The following SLC41A2 variants were observed in gnomAD, a reference collection of about 807,000 sequenced individuals.
SLC41A2 encodes solute carrier family 41 member 2.
A neutral mutation model predicts 58.3 loss-of-function variants in SLC41A2; 32 were observed. The observed-to-expected ratio is 0.55, with a 90% confidence interval of 0.41 to 0.74. The LOEUF is 0.74. Ranked by LOEUF, SLC41A2 falls within the 30% of genes least tolerant of loss-of-function variation. The pLI, the probability that SLC41A2 is intolerant of heterozygous loss-of-function variation, is 0.00. For synonymous variants in SLC41A2, 190 were observed against 235.0 expected (o/e 0.81, Z 1.75); for missense variants, 514 against 680.6 (o/e 0.76, Z 2.72).
chr12:104,916,735 A>T (rs1212263377), intron 2 of SLC41A2, among the ~76,000 whole-genome samples: 2 of 152,242 alleles, frequency 1.3e-5, no homozygotes, highest in African/African-American at 4.8e-5. Context: ...AGAATTTCCT[A>T]TTTAATAAAT....
At chr12:104,884,325 G>A (rs958205894) in intron 6 of SLC41A2, among the ~76,000 whole-genome samples, 15 of 152,154 alleles carry the variant, frequency 9.9e-5, no homozygotes, top group East Asian at 3.9e-4. Context: ...ACCCTGCTTC[G>A]GCTCACACAC....
intron 10 of SLC41A2, among the ~76,000 whole-genome samples, chr12:104,811,416 TGTATAA>T (rs1462621691): frequency 6.6e-6 from 1 of 152,162 alleles, no homozygotes; most frequent in Non-Finnish European, 1.5e-5. Context: ...TTTAATAAAG[TGTATAA>T]GTATAAAACT....
At chr12:104,947,749 G>GA (rs1252924109) in intron 1 of SLC41A2, among the ~76,000 whole-genome samples, 1 of 151,674 alleles carries the variant, frequency 6.6e-6, no homozygotes, top group African/African-American at 2.4e-5. Context: ...GTTTTAAAAG[G>GA]AAAAAAAGAC....
At chr12:104,932,372 T>C (rs1239089271) in intron 1 of SLC41A2, among the ~76,000 whole-genome samples, 1 of 152,058 alleles carries the variant, frequency 6.6e-6, no homozygotes, top group Non-Finnish European at 1.5e-5. Flanking sequence ...ATGCCTGCAA[T>C]CACAGCATTT....
At chr12:104,955,222 G>T (rs1030076892) in intron 1 of SLC41A2, among the ~76,000 whole-genome samples, 5 of 151,848 alleles carry the variant, frequency 3.3e-5, no homozygotes, top group African/African-American at 1.2e-4. Flanking sequence ...CACCATGTTG[G>T]CCAGTCTGGT....
At chr12:104,898,796 C>A (rs2045421003) in intron 3 of SLC41A2, among the ~76,000 whole-genome samples, 1 of 152,086 alleles carries the variant, frequency 6.6e-6, no homozygotes, top group African/African-American at 2.4e-5. Flanking sequence ...CAATAACAAA[C>A]AATCCAACTT....
intron 2 of SLC41A2, among the ~76,000 whole-genome samples, chr12:104,915,084 T>C (rs754095538): frequency 6.6e-5 from 10 of 152,350 alleles, no homozygotes; most frequent in Middle Eastern, 3.4e-3. Context: ...AACTGAGGTA[T>C]ACATCTACAA....
intron 10 of SLC41A2, among the ~76,000 whole-genome samples, chr12:104,833,258 A>G (rs943228158): frequency 7.2e-5 from 11 of 152,348 alleles, no homozygotes; most frequent in African/African-American, 2.6e-4. Flanking sequence ...GAAGCTAGCC[A>G]ATCAATGATA....
chr12:104,875,158 C>T (rs550954565), intron 6 of SLC41A2, among the ~76,000 whole-genome samples: 2 of 152,284 alleles, frequency 1.3e-5, no homozygotes, highest in Non-Finnish European at 2.9e-5. Context: ...ATGAATCCCA[C>T]TTGGTCATGA....
intron 1 of SLC41A2, among the ~76,000 whole-genome samples, chr12:104,946,891 C>T (rs1413414935): frequency 6.6e-6 from 1 of 152,216 alleles, no homozygotes; most frequent in East Asian, 1.9e-4. Context: ...AACTGGCTTA[C>T]ATCCTGACTT....
At chr12:104,945,432 G>A (rs2047678858) in intron 1 of SLC41A2, among the ~76,000 whole-genome samples, 1 of 149,490 alleles carries the variant, frequency 6.7e-6, no homozygotes, top group South Asian at 2.1e-4. Context: ...CACAGGAGGT[G>A]GAGCTTGCAG....
chr12:104,891,257 G>C (rs1302737445), intron 4 of SLC41A2, among the ~76,000 whole-genome samples: 1 of 151,960 alleles, frequency 6.6e-6, no homozygotes, highest in Non-Finnish European at 1.5e-5. Context: ...TTTGGGCTAT[G>C]GCAACTAGAA....
chr12:104,954,449 C>T (rs1286923861), intron 1 of SLC41A2, among the ~76,000 whole-genome samples: 1 of 152,214 alleles, frequency 6.6e-6, no homozygotes, highest in East Asian at 1.9e-4. Flanking sequence ...CATAGCGATT[C>T]CCAATTGTCA....
intron 8 of SLC41A2, among the ~76,000 whole-genome samples, chr12:104,858,535 T>C (rs2043097359): frequency 6.6e-6 from 1 of 152,186 alleles, no homozygotes; most frequent in Admixed American, 6.5e-5. Context: ...GTCCTTTAAA[T>C]AGTACATTCC....
At chr12:104,892,515 A>G (rs1407615711) in intron 4 of SLC41A2, among the ~76,000 whole-genome samples, 2 of 152,104 alleles carry the variant, frequency 1.3e-5, no homozygotes, top group African/African-American at 4.8e-5. Context: ...AAATCTTAAC[A>G]TTTATGTGGG....
chr12:104,954,415 A>G (rs923684377), intron 1 of SLC41A2, among the ~76,000 whole-genome samples: 3 of 152,210 alleles, frequency 2.0e-5, no homozygotes, highest in Non-Finnish European at 2.9e-5. Context: ...GTCAGCTGTG[A>G]CCATCACTTC....
At chr12:104,884,928 G>A (rs1159108511) in intron 6 of SLC41A2, among the ~76,000 whole-genome samples, 1 of 152,120 alleles carries the variant, frequency 6.6e-6, no homozygotes, top group African/African-American at 2.4e-5. Flanking sequence ...TTTAATCCCT[G>A]ACTTCAGCAT....
intron 2 of SLC41A2, among the ~76,000 whole-genome samples, chr12:104,921,705 G>A (rs2046605396): frequency 6.6e-6 from 1 of 152,154 alleles, no homozygotes; most frequent in Non-Finnish European, 1.5e-5. Flanking sequence ...TAAGTGCACA[G>A]CAAAACCAAG....
chr12:104,829,147 G>T (rs929419331), intron 10 of SLC41A2, among the ~76,000 whole-genome samples: 2 of 152,102 alleles, frequency 1.3e-5, no homozygotes, highest in East Asian at 1.9e-4. Context: ...TCTACTATAG[G>T]TATTTACCCA....
Sources: gnomAD v4.1 joint callset for allele counts (sites outside exome capture counted in the v4.1 genomes callset) on GRCh38, gnomAD v4.1.1 for gene constraint, MANE v1.5 for transcripts, NCBI Gene and HGNC (gene_info 2026-07-23, HGNC 2026-07-21) for gene names.